Variants in PPP1R1C observed in about 807,000 individuals in gnomAD.
PPP1R1C encodes protein phosphatase 1 regulatory subunit 1C.
A neutral mutation model predicts 17.4 loss-of-function variants in PPP1R1C; 15 were observed. The ratio of observed to expected loss-of-function variants is 0.86; its 90% CI spans 0.58 to 1.33. PPP1R1C has a LOEUF of 1.33. Among genes scored for constraint, PPP1R1C ranks in the 40% most tolerant of loss-of-function variants. The pLI is 0.00. For synonymous variants in PPP1R1C, 35 were observed against 43.1 expected (o/e 0.81, Z 0.73); for missense variants, 143 against 130.0 (o/e 1.10, Z -0.48).
intron 4 of PPP1R1C, among the ~76,000 whole-genome samples, chr2:182,092,122 G>C (rs1389073303): frequency 6.6e-6 from 1 of 152,160 alleles, no homozygotes; most frequent in Non-Finnish European, 1.5e-5. Context: ...TCATGCTGCT[G>C]ATAAAGACAT....
At position 182,098,156 on chromosome 2, in the gene PPP1R1C, T is replaced by C. The variant is rs530462976; in HGVS notation, c.242-19051T>C. Among the ~76,000 whole-genome samples, 20 of 152,188 alleles carry C rather than the reference T, an allele frequency of 1.3e-4. 1 individual carries two copies. The highest frequency in any genetic ancestry group is 1.0e-3 in the South Asian group (5 of 4,816). ...ACCCCTGGCCTCTACCATGAACAAGTTTATTGAAACAGCAAATGTAGGCCT... is the reference window on the plus strand; with the variant it reads ...ACCCCTGGCCTCTACCATGAACAAGCTTATTGAAACAGCAAATGTAGGCCT... On this transcript the variant is annotated intron_variant, in intron 4 of 4. Transcript: ENST00000682840.
chr2:181,970,400 G>A (rs1177045481), intron 1 of PPP1R1C, among the ~76,000 whole-genome samples: 3 of 152,174 alleles, frequency 2.0e-5, no homozygotes, highest in Non-Finnish European at 4.4e-5. Context: ...CCCTCATAGA[G>A]GTACCACCTT....
intron 2 of PPP1R1C, chr2:182,031,006 T>G (rs1686813768): frequency 6.5e-6 from 1 of 153,452 alleles, no homozygotes; most frequent in South Asian, 2.0e-4. Flanking sequence ...TTTCTTTGAC[T>G]CGGAAAGGGA....
At chr2:181,970,344 C>G (rs1364838904) in intron 1 of PPP1R1C, among the ~76,000 whole-genome samples, 1 of 152,168 alleles carries the variant, frequency 6.6e-6, no homozygotes, top group Non-Finnish European at 1.5e-5. Flanking sequence ...GCAGCCATAT[C>G]TGCATTAGGG....
At chr2:181,985,642 T>G (rs1313092705), upstream of PPP1R1C, among the ~76,000 whole-genome samples, 1 of 152,154 alleles carries the variant, frequency 6.6e-6, no homozygotes, top group African/African-American at 2.4e-5. This position sits in a 1 kb window ranked among gnomAD's most constrained non-coding sequence, Gnocchi z 4.1. Context: ...ACTTCCTGCT[T>G]GATGTTCATC....
At chr2:182,005,136 C>A (rs1027599696) in intron 2 of PPP1R1C, among the ~76,000 whole-genome samples, 3 of 152,062 alleles carry the variant, frequency 2.0e-5, no homozygotes, top group Non-Finnish European at 4.4e-5. Context: ...AAATGTTTAC[C>A]TAGTAATTAT....
chr2:182,116,541 C>T (rs749876357), intron 4 of PPP1R1C, among the ~76,000 whole-genome samples: 6 of 152,028 alleles, frequency 3.9e-5, no homozygotes, highest in Admixed American at 2.6e-4. Context: ...TGGAGTAGCC[C>T]GGGGGAAAAG....
In PPP1R1C at chr2:181,967,902, A is replaced by C. The variant is rs888546276; in HGVS notation, n.112-7317A>C. Among the ~76,000 whole-genome samples, 18 of 152,024 alleles carry C rather than the reference A, an allele frequency of 1.2e-4. No individual in the cohort carries two copies. Among genetic ancestry groups the C allele is most frequent in the African/African-American group, 4.3e-4 (18 of 41,396 alleles). On this transcript the variant is annotated intron_variant and non_coding_transcript_variant, in intron 1 of 5. Transcript: ENST00000464264. This position sits in a 1 kb window ranked among gnomAD's most constrained non-coding sequence, Gnocchi z 5.5. Reference sequence around the variant, plus strand: ...GGCTAATTTTGTGTTTTTAGTAGAGAGGGGATTTCTTCATGTTGGTCAAGC... The same window carrying C: ...GGCTAATTTTGTGTTTTTAGTAGAGCGGGGATTTCTTCATGTTGGTCAAGC...
chr2:181,988,213 A>T (rs2125140396), intron 2 of PPP1R1C, among the ~76,000 whole-genome samples: 1 of 152,362 alleles, frequency 6.6e-6, no homozygotes, highest in Non-Finnish European at 1.5e-5. Context: ...AGGCTGGTGG[A>T]AAGCTGTTTA....
chr2:182,037,035 C>T (rs549145267), intron 2 of PPP1R1C, among the ~76,000 whole-genome samples: 2 of 152,184 alleles, frequency 1.3e-5, no homozygotes, highest in South Asian at 4.2e-4. Flanking sequence ...GGCTAAATAC[C>T]AGAACGGATT....
At chr2:182,029,237 G>A (rs1574392075) in intron 2 of PPP1R1C, among the ~76,000 whole-genome samples, 1 of 150,752 alleles carries the variant, frequency 6.6e-6, no homozygotes, top group African/African-American at 2.5e-5. Context: ...TGTCATGTGT[G>A]AATTTGATCC....
intron 4 of PPP1R1C, among the ~76,000 whole-genome samples, chr2:182,091,010 AT>A (rs1433018814): frequency 1.3e-5 from 2 of 152,216 alleles, no homozygotes; most frequent in African/African-American, 4.8e-5. Flanking sequence ...CAAGACCAGG[AT>A]TAAAAAAGAA....
chr2:181,966,853 A>G (rs370541472), intron 1 of PPP1R1C, among the ~76,000 whole-genome samples: 3 of 151,950 alleles, frequency 2.0e-5, no homozygotes, highest in African/African-American at 2.4e-5. Flanking sequence ...TTTCTCTTCT[A>G]TTTTTCAGAA....
chr2:181,975,552 C>T (rs1469976389), intron 2 of PPP1R1C, among the ~76,000 whole-genome samples: 1 of 151,834 alleles, frequency 6.6e-6, no homozygotes, highest in African/African-American at 2.4e-5. Context: ...TTATCCATAG[C>T]TTAAAGAAAG....
intron 2 of PPP1R1C, among the ~76,000 whole-genome samples, chr2:181,989,802 C>A (rs1399658135): frequency 6.6e-6 from 1 of 152,132 alleles, no homozygotes; most frequent in Admixed American, 6.5e-5. Context: ...TTTAGTACAT[C>A]ACCTGCCTGC....
chr2:182,075,829 A>G (rs546461420), intron 4 of PPP1R1C, among the ~76,000 whole-genome samples: 6 of 152,252 alleles, frequency 3.9e-5, no homozygotes, highest in South Asian at 4.1e-4. Context: ...TTTGGGTTTC[A>G]ATTGATAATC....
At chr2:182,001,358 T>C (rs79286487) in intron 2 of PPP1R1C, among the ~76,000 whole-genome samples, 1,925 of 152,276 alleles carry the variant, frequency 0.013, 25 homozygotes, top group Middle Eastern at 0.041. Context: ...GTGTTTTGTT[T>C]AATGACCAAT....
chr2:181,967,889 GT>G lies in PPP1R1C; in HGVS notation n.112-7325del, dbSNP rs1684933721. Among the ~76,000 whole-genome samples, 1 of 151,926 alleles carries G rather than the reference GT, an allele frequency of 6.6e-6. No homozygotes were observed. The highest frequency in any genetic ancestry group is 2.4e-5 in the African/African-American group (1 of 41,380). On this transcript the variant is annotated intron_variant and non_coding_transcript_variant, in intron 1 of 5. Transcript: ENST00000464264. This position sits in a 1 kb window ranked among gnomAD's most constrained non-coding sequence, Gnocchi z 5.5. Reference sequence around the variant, plus strand: ...AGCCACCATGCCTGGCTAATTTTGTGTTTTTAGTAGAGAGGGGATTTCTTCA... The same window carrying G: ...AGCCACCATGCCTGGCTAATTTTGTGTTTTAGTAGAGAGGGGATTTCTTCA...
intron 2 of PPP1R1C, among the ~76,000 whole-genome samples, chr2:181,995,788 G>T (rs1390214572): frequency 6.6e-6 from 1 of 150,732 alleles, no homozygotes; most frequent in Non-Finnish European, 1.5e-5. Context: ...AGCAAGCCCT[G>T]GAGCCTTGGG....
Sources: allele counts gnomAD v4.1 joint callset (sites outside exome capture counted in the v4.1 genomes callset), GRCh38; gene constraint gnomAD v4.1.1; non-coding constraint Gnocchi (gnomAD v3.1); transcripts MANE v1.5; gene names NCBI Gene and HGNC (gene_info 2026-07-23, HGNC 2026-07-21).